The following SNX7 variants were observed in gnomAD, a reference collection of about 807,000 sequenced individuals.
SNX7 encodes sorting nexin-7.
A neutral mutation model predicts 48.4 loss-of-function variants in SNX7; 35 were observed. The observed-to-expected ratio is 0.72, with a 90% CI of 0.55 to 0.96. The LOEUF (loss-of-function observed/expected upper bound fraction) is 0.96, where lower values mean the gene tolerates loss of function less well. Among genes scored for constraint, SNX7 ranks in the 40% least tolerant of loss-of-function variants. The pLI is 0.00. For missense variants in SNX7, 553 were observed against 548.9 expected, an observed-to-expected ratio of 1.01 and a Z score of -0.07; for synonymous variants, 190 against 190.2, an observed-to-expected ratio of 1.00 and a Z score of 0.01.
intron 7 of SNX7, among the ~76,000 whole-genome samples, chr1:98,725,563 A>G (rs1428045602): frequency 1.3e-5 from 2 of 152,192 alleles, no homozygotes; most frequent in Admixed American, 1.3e-4. Flanking sequence ...AAAAAACTAA[A>G]GGCCTAAAAA....
intron 8 of SNX7, among the ~76,000 whole-genome samples, chr1:98,749,809 C>T (rs369128676): frequency 5.9e-5 from 9 of 152,072 alleles, no homozygotes; most frequent in Admixed American, 3.3e-4. Flanking sequence ...TAAATAATTT[C>T]GTGGTGCTAT....
At position 98,712,546 on chromosome 1, in the gene SNX7, A is replaced by G. The variant is rs146960832; in HGVS notation, c.1125+10643A>G. ...TCTCAAGAGTGGGCTTAAAATATTC[A>G]GTAAACCATACTATAAACAGATAAC... On this transcript the variant is annotated intron_variant, in intron 7 of 8. Coordinates refer to ENST00000306121, the MANE Select transcript of SNX7 (RefSeq NM_015976.5). 4.6e-4 allele frequency among the ~76,000 whole-genome samples: 70 copies of G among 152,310 alleles called. No individual in the cohort carries two copies. The Middle Eastern group carries it at 0.01, about 22-fold the overall frequency.
At chr1:98,749,045 T>C (rs983551569) in intron 8 of SNX7, among the ~76,000 whole-genome samples, 1 of 152,202 alleles carries the variant, frequency 6.6e-6, no homozygotes, top group African/African-American at 2.4e-5. Flanking sequence ...GTCTGAAGTG[T>C]CTAGCATTAA....
At chr1:98,758,356 A>G (rs1654954212) in intron 8 of SNX7, among the ~76,000 whole-genome samples, 1 of 152,010 alleles carries the variant, frequency 6.6e-6, no homozygotes, top group Non-Finnish European at 1.5e-5. Context: ...TGGCTCCTGT[A>G]GTAACTACCT....
intron 7 of SNX7, among the ~76,000 whole-genome samples, chr1:98,708,627 G>A (rs1490673906): frequency 6.6e-6 from 1 of 152,086 alleles, no homozygotes; most frequent in Admixed American, 6.6e-5. Context: ...GAGTGATGCT[G>A]TAATCAAGAA....
intron 5 of SNX7, among the ~76,000 whole-genome samples, chr1:98,698,100 C>T (rs538211559): frequency 6.6e-6 from 1 of 152,098 alleles, no homozygotes; most frequent in Non-Finnish European, 1.5e-5. Context: ...TTTCTATACT[C>T]TGATAAAAAT....
intron 1 of SNX7, among the ~76,000 whole-genome samples, chr1:98,683,662 C>A (rs1278632032): frequency 6.6e-6 from 1 of 152,156 alleles, no homozygotes; most frequent in Non-Finnish European, 1.5e-5. Flanking sequence ...TGATCTTGGA[C>A]TTCCTAGTTT....
intron 7 of SNX7, among the ~76,000 whole-genome samples, chr1:98,733,318 C>A (rs1005269939): frequency 6.6e-6 from 1 of 152,118 alleles, no homozygotes; most frequent in African/African-American, 2.4e-5. Context: ...ACCCTCCTGA[C>A]TCTGCCTCCT....
chr1:98,736,570 T>G (rs1186894629), intron 7 of SNX7, among the ~76,000 whole-genome samples: 1 of 152,186 alleles, frequency 6.6e-6, no homozygotes, highest in East Asian at 1.9e-4. Context: ...CCATACAGTA[T>G]TCTCGCTGAT....
At chr1:98,707,840 T>G (rs1652090073) in intron 7 of SNX7, among the ~76,000 whole-genome samples, 1 of 152,194 alleles carries the variant, frequency 6.6e-6, no homozygotes, top group Non-Finnish European at 1.5e-5. Flanking sequence ...TAGAAACAGA[T>G]ACCAGATTAT....
chr1:98,679,011 G>A (rs1170450294), intron 1 of SNX7, among the ~76,000 whole-genome samples: 1 of 152,162 alleles, frequency 6.6e-6, no homozygotes, highest in Non-Finnish European at 1.5e-5. Context: ...CAGCACTCTG[G>A]CAGGATGTAT....
intron 1 of SNX7, among the ~76,000 whole-genome samples, chr1:98,676,036 A>G (rs993438520): frequency 6.6e-6 from 1 of 152,124 alleles, no homozygotes; most frequent in Admixed American, 6.6e-5. Context: ...TCACATAGAA[A>G]AATATTAAAC....
chr1:98,683,491 G>A (rs539082298), intron 1 of SNX7, among the ~76,000 whole-genome samples: 1 of 152,090 alleles, frequency 6.6e-6, no homozygotes, highest in Non-Finnish European at 1.5e-5. Flanking sequence ...GGAGCCTTTG[G>A]GTGGTGATTA....
At chr1:98,663,729 G>A (rs923447277) in intron 1 of SNX7, among the ~76,000 whole-genome samples, 2 of 152,108 alleles carry the variant, frequency 1.3e-5, no homozygotes, top group Non-Finnish European at 2.9e-5. Context: ...TGAATAATGT[G>A]TTTTTCCACC....
intron 8 of SNX7, among the ~76,000 whole-genome samples, chr1:98,740,566 T>A (rs927655609): frequency 5.3e-5 from 8 of 152,314 alleles, no homozygotes; most frequent in Admixed American, 2.6e-4. Context: ...TGGATTTTTT[T>A]AAAAGTGTTC....
chr1:98,709,510 T>C (rs1356627762), intron 7 of SNX7, among the ~76,000 whole-genome samples: 1 of 152,196 alleles, frequency 6.6e-6, no homozygotes, highest in Non-Finnish European at 1.5e-5. Flanking sequence ...CTCGATGTTG[T>C]ACCATTGATG....
At chr1:98,748,668 A>G (rs1047346362) in intron 8 of SNX7, among the ~76,000 whole-genome samples, 1 of 151,794 alleles carries the variant, frequency 6.6e-6, no homozygotes, top group African/African-American at 2.4e-5. Context: ...ACACACACAC[A>G]CACACTGCAT....
intron 1 of SNX7, among the ~76,000 whole-genome samples, chr1:98,663,247 T>C (rs2100894246): frequency 8.8e-6 from 1 of 113,494 alleles, no homozygotes; most frequent in South Asian, 3.1e-4. Context: ...TCAGGGTTTC[T>C]TTCTGGTTTT....
chr1:98,691,995 C>G (rs1651168262), intron 4 of SNX7, among the ~76,000 whole-genome samples: 1 of 148,548 alleles, frequency 6.7e-6, no homozygotes, highest in Non-Finnish European at 1.5e-5. Context: ...GTGCTTCTTG[C>G]ATAAATAGCA....
Sources: allele counts gnomAD v4.1 joint callset (sites outside exome capture counted in the v4.1 genomes callset), GRCh38; gene constraint gnomAD v4.1.1; transcripts MANE v1.5; gene names NCBI Gene and HGNC (gene_info 2026-07-23, HGNC 2026-07-21).